CYB561: variants seen among roughly 807,000 people sequenced by gnomAD.
The protein encoded by CYB561 is transmembrane ascorbate-dependent reductase CYB561.
Under a neutral mutation model 25.3 loss-of-function variants are expected in CYB561, and 11 were observed. The ratio of observed to expected loss-of-function variants is 0.44; its 90% CI spans 0.27 to 0.72. CYB561 has a LOEUF of 0.72. Among genes scored for constraint, CYB561 ranks in the 30% least tolerant of loss-of-function variants. The pLI, the probability that CYB561 is intolerant of heterozygous loss-of-function variation, is 0.18. For synonymous variants in CYB561, 165 were observed against 158.8 expected, an observed-to-expected ratio of 1.04 and a Z score of -0.29; for missense variants, 295 against 334.9, an observed-to-expected ratio of 0.88 and a Z score of 0.93.
intron 1 of CYB561, chr17:63,440,349 C>A: frequency 2.5e-6 from 1 of 398,622 alleles, no homozygotes; most frequent in Non-Finnish European, 4.4e-6. Context: ...CTGCCCAGGC[C>A]GCCGCATGCT....
At chr17:63,434,858 G>A (rs890352120) in intron 5 of CYB561, among the ~76,000 whole-genome samples, 1 of 152,234 alleles carries the variant, frequency 6.6e-6, no homozygotes, top group African/African-American at 2.4e-5. Flanking sequence ...CTGCGTGGTG[G>A]GAATAAATAG....
chr17:63,438,515 C>G (rs915051468), intron 1 of CYB561, among the ~76,000 whole-genome samples: 5 of 151,198 alleles, frequency 3.3e-5, no homozygotes, highest in Admixed American at 2.6e-4. Context: ...AGAAGTGCCC[C>G]GACCATGCTG....
chr17:63,436,286 CGGA>C lies in CYB561; in HGVS notation c.203-137_203-135del. On this transcript the variant is annotated intron_variant, in intron 2 of 5. Transcript: ENST00000360793. The surrounding 1 kb of genome is among the most constrained non-coding windows in gnomAD (Gnocchi z 4.8). ...GTAACAGGAGCCTAGCTGCAGGAACCGGAGGAGAAAGCCAGGTTCCCTGGGGAC... is the reference window on the plus strand; with the variant it reads ...GTAACAGGAGCCTAGCTGCAGGAACCGGAGAAAGCCAGGTTCCCTGGGGAC... 1 of 1,184,678 alleles carries C rather than the reference CGGA, an allele frequency of 8.4e-7. No homozygotes were observed. The highest frequency in any genetic ancestry group is 1.2e-6 in the Non-Finnish European group (1 of 854,644). 73.4% of individuals were successfully genotyped at this position (1,184,678 alleles called of 1,614,324 possible). A position where few individuals can be genotyped will look rare whatever the true frequency, so the allele number is the denominator to read the frequency against.
At chr17:63,439,540 AT>A (rs1364488943) in intron 1 of CYB561, among the ~76,000 whole-genome samples, 3 of 150,714 alleles carry the variant, frequency 2.0e-5, no homozygotes, top group African/African-American at 4.9e-5. Context: ...CTCAAAAAAA[AT>A]TTTTTTTAAT....
chr17:63,436,352 G>T lies in CYB561; in HGVS notation c.203-200C>A, dbSNP rs1288740476. 6.6e-6 allele frequency among the ~76,000 whole-genome samples: 1 copy of T among 152,068 alleles called. No individual in the cohort carries two copies. The highest frequency in any genetic ancestry group is 1.9e-4 in the East Asian group (1 of 5,176). On this transcript the variant is annotated intron_variant, in intron 2 of 5. Transcript: ENST00000360793. This position sits in a 1 kb window ranked among gnomAD's most constrained non-coding sequence, Gnocchi z 4.8. ...CTGGCCTTCTCTGAGGGCACCTAGG[G>T]CTGTGTGCACCTTAACACCCCTCCC...
In CYB561 at chr17:63,432,548, G is replaced by GTT. The variant is rs1405981333; in HGVS notation, c.*1852_*1853dup. 1 of 152,236 alleles carries GTT rather than the reference G, an allele frequency of 6.6e-6. No homozygotes were observed. Among genetic ancestry groups the GTT allele is most frequent in the African/African-American group, 2.4e-5 (1 of 41,464 alleles). 9.4% of individuals were successfully genotyped at this position (152,236 alleles called of 1,614,324 possible). A position where few individuals can be genotyped will look rare whatever the true frequency, so the allele number is the denominator to read the frequency against. ...AGAGAGACACGATTGTACTTTGGTA[G>GTT]TTTGTCTAAGGCGGAGTTTTCCCAC... On this transcript the variant is annotated 3_prime_UTR_variant, in exon 6 of 6. Transcript: ENST00000360793.
chr17:63,444,394 G>T (rs1370237157), intron 1 of CYB561, among the ~76,000 whole-genome samples: 3 of 152,348 alleles, frequency 2.0e-5, no homozygotes, highest in African/African-American at 4.8e-5. Context: ...GATATCTGGA[G>T]CTACCTTATT....
Position 63,435,187 on chromosome 17 carries a change from G to A in CYB561, c.462C>T (p.Ser154=), listed in dbSNP as rs528194049. Residue 154 remains serine, a synonymous_variant, in exon 5 of 6, where the codon AGC becomes AGT. Coordinates refer to ENST00000360793, the MANE Select transcript of CYB561 (RefSeq NM_001915.4). ...AGAAGATGTGCTGTGGGCGGTAGCG[G>A]CTCCGCAGGGAGAATGAAGCTCCGG... is the stretch of plus-strand genomic sequence containing the variant. The part of the protein sequence containing the change: ...LFPGASFSLR[S]RYRPQHIFFG... The A allele has an allele frequency of 1.2e-6, 2 of 1,614,174 alleles. No individual in the cohort carries two copies. Among genetic ancestry groups the A allele is most frequent in the East Asian group, 4.5e-5 (2 of 44,888 alleles).
rs1307884380 is a variant in CYB561, at chr17:63,432,321, T to C, written c.*2081A>G. 2 of 152,240 alleles carry C rather than the reference T, an allele frequency of 1.3e-5. No individual in the cohort carries two copies. Among genetic ancestry groups the C allele is most frequent in the East Asian group, 1.9e-4 (1 of 5,202 alleles). The allele number at this position is 152,240 out of a possible 1,614,324, so 9.4% of individuals were successfully genotyped here. On this transcript the variant is annotated 3_prime_UTR_variant, in exon 6 of 6. Coordinates refer to ENST00000360793, the MANE Select transcript of CYB561 (RefSeq NM_001915.4). ...GCGAGAGGTCTGCTGTAGACATTTATTGAATCATCTGTTGCACCAACAGCA... is the reference window on the plus strand; with the variant it reads ...GCGAGAGGTCTGCTGTAGACATTTACTGAATCATCTGTTGCACCAACAGCA...
At position 63,434,516 on chromosome 17, in the gene CYB561, C is replaced by T. The variant is rs752127723; in HGVS notation, c.642G>A (p.Ala214=). Reference sequence around the variant, plus strand: ...CGGCCCGGGTCAAGATGTAGAGCACCGCCCCACCGAAGCAGGCCAGCAGCA... The same window carrying T: ...CGGCCCGGGTCAAGATGTAGAGCACTGCCCCACCGAAGCAGGCCAGCAGCA... ...LGLLLACFGG[A]VLYILTRADW... is the part of the protein sequence containing the mutation. The change falls in exon 6 of 6, where the codon GCG becomes GCA. Residue 214 remains alanine, a synonymous_variant. Coordinates refer to ENST00000360793, the MANE Select transcript of CYB561 (RefSeq NM_001915.4). 1.7e-5 allele frequency: 27 copies of T among 1,613,466 alleles called. No homozygotes were observed. Among genetic ancestry groups the T allele is most frequent in the East Asian group, 1.3e-4 (6 of 44,886 alleles).
In CYB561 at chr17:63,437,709, AGCACGGTCCCCCCAGATAT is replaced by A. The variant is rs1168614779; in HGVS notation, c.-13-168_-13-150del. The stretch of plus-strand genomic sequence containing the variant: ...ATGCGCACAGCCGCCCCCGGAGATA[AGCACGGTCCCCCCAGATAT>A]GCACAGCCCCCCCCGAAATGCGCAC... On this transcript the variant is annotated intron_variant, in intron 1 of 5. Coordinates refer to ENST00000360793, the MANE Select transcript of CYB561 (RefSeq NM_001915.4). The A allele has an allele frequency of 3.7e-5, 18 of 480,604 alleles. No individual in the cohort carries two copies. In the East Asian group the frequency reaches 4.7e-4, roughly 12 times the overall value. The allele number at this position is 480,604 out of a possible 1,614,324, so 29.8% of individuals were successfully genotyped here.
Position 63,444,768 on chromosome 17 carries a change from AG to A in CYB561, c.-14+1476del, listed in dbSNP as rs1410396838. Among the ~76,000 whole-genome samples the A allele has an allele frequency of 4.6e-5, 7 of 152,338 alleles. No individual in the cohort carries two copies. In the South Asian group the frequency reaches 6.2e-4, roughly 14 times the overall value. On this transcript the variant is annotated intron_variant, in intron 1 of 5. Coordinates refer to ENST00000360793, the MANE Select transcript of CYB561 (RefSeq NM_001915.4). ...TTTCCCAGTGAAGCTACGCTTTCAG[AG>A]GGGGTTAATTTCTCATTCCCCTCCA...
In CYB561 at chr17:63,436,176, G is replaced by T; in HGVS notation, c.203-24C>A. 1 of 1,611,976 alleles carries T rather than the reference G, an allele frequency of 6.2e-7. No individual in the cohort carries two copies. Among genetic ancestry groups the T allele is most frequent in the Non-Finnish European group, 8.5e-7 (1 of 1,178,390 alleles). The stretch of plus-strand genomic sequence containing the variant: ...GGCTGTGGGAGGTGAGAGAGGGAAC[G>T]TGAGTGCATCCGCCTGTGCGTGAGG... On this transcript the variant is annotated intron_variant, in intron 2 of 5. Transcript: ENST00000360793. This position sits in a 1 kb window ranked among gnomAD's most constrained non-coding sequence, Gnocchi z 4.8.
intron 1 of CYB561, 152 bp from the exon 2 acceptor site, chr17:63,437,712 A>G (rs2147494225): frequency 8.4e-6 from 4 of 475,318 alleles, no homozygotes; most frequent in Non-Finnish European, 1.5e-5. Flanking sequence ...GGAGATAAGC[A>G]CGGTCCCCCC....
chr17:63,440,685 C>T lies in CYB561; in HGVS notation c.-13-3125G>A, dbSNP rs577953161. 6.9e-5 allele frequency: 11 copies of T among 159,364 alleles called. No homozygotes were observed. In the East Asian group the frequency reaches 7.3e-4, roughly 11 times the overall value. 9.9% of individuals were successfully genotyped at this position (159,364 alleles called of 1,614,324 possible). On this transcript the variant is annotated intron_variant, in intron 1 of 5. Transcript: ENST00000360793. ...CCTCCACTCCTCAGGCACCGCGGTG[C>T]GCAGATCACTCTGTCCCCAGGCTCT...
rs374915589 is a variant in CYB561 at position 63,434,517 on chromosome 17, G to A, written c.641C>T (p.Ala214Val). The change falls in exon 6 of 6, where the codon GCG (alanine) becomes GTG (valine). Residue 214 changes from alanine (A) to valine (V), a missense_variant. By Grantham distance (64) the Ala-to-Val change is moderately conservative. Coordinates refer to ENST00000360793, the MANE Select transcript of CYB561 (RefSeq NM_001915.4). Reference sequence around the variant, plus strand: ...GGCCCGGGTCAAGATGTAGAGCACCGCCCCACCGAAGCAGGCCAGCAGCAG... The same window carrying A: ...GGCCCGGGTCAAGATGTAGAGCACCACCCCACCGAAGCAGGCCAGCAGCAG... ...LGLLLACFGG[A>V]VLYILTRADW... 16 of 1,613,424 alleles carry A rather than the reference G, an allele frequency of 9.9e-6. 1 individual carries two copies. Among genetic ancestry groups the A allele is most frequent in the Middle Eastern group, 1.6e-4 (1 of 6,062 alleles).
chr17:63,441,565 A>G (rs567761207), intron 1 of CYB561, among the ~76,000 whole-genome samples: 1 of 152,238 alleles, frequency 6.6e-6, no homozygotes, highest in Non-Finnish European at 1.5e-5. Context: ...GGGTGGTACA[A>G]GTTCAAGCCA....
intron 1 of CYB561, among the ~76,000 whole-genome samples, chr17:63,443,122 T>G (rs376176555): frequency 1.3e-5 from 2 of 152,302 alleles, no homozygotes; most frequent in East Asian, 3.9e-4. Context: ...CGTCCTAGCA[T>G]GTGATGAAGG....
chr17:63,434,388 G>A lies in CYB561; in HGVS notation c.*14C>T. 6.5e-7 allele frequency: 1 copy of A among 1,538,842 alleles called. No homozygotes were observed. Among genetic ancestry groups the A allele is most frequent in the Non-Finnish European group, 8.8e-7 (1 of 1,137,748 alleles). On this transcript the variant is annotated 3_prime_UTR_variant, in exon 6 of 6. Transcript: ENST00000360793. ...AGAAGACACCCCGCGAACCCCCAGG[G>A]CCGGCCGGGCGCATCACTGGGAGCC... is the stretch of plus-strand genomic sequence containing the variant.
Sources: gnomAD v4.1 joint callset for allele counts (sites outside exome capture counted in the v4.1 genomes callset) on GRCh38, gnomAD v4.1.1 for gene constraint, Gnocchi (gnomAD v3.1) non-coding constraint, MANE v1.5 for transcripts, NCBI Gene and HGNC (gene_info 2026-07-23, HGNC 2026-07-21) for gene names.